CSMD3: variants seen among roughly 807,000 people sequenced by gnomAD.
CSMD3 encodes the protein CUB and sushi domain-containing protein 3.
CSMD3 carries 177 observed loss-of-function variants against 435.2 expected under a neutral mutation model. That is an observed-to-expected ratio of 0.41 (90% CI 0.36 to 0.46). The LOEUF (loss-of-function observed/expected upper bound fraction) is 0.46, where lower values mean the gene tolerates loss of function less well. Among genes scored for constraint, CSMD3 ranks in the 20% least tolerant of loss-of-function variants. The probability of loss-of-function intolerance (pLI) is 0.34; values close to 1 mark genes in which losing one functional copy is unlikely to be tolerated. For missense variants in CSMD3, 4,265 were observed against 4,504.6 expected (o/e 0.95, Z 1.52); for synonymous variants, 1,656 against 1,520.5 (o/e 1.09, Z -2.07).
intron 31 of CSMD3, among the ~76,000 whole-genome samples, chr8:112,479,664 A>G (rs1819439214): frequency 6.6e-6 from 1 of 152,214 alleles, no homozygotes; most frequent in African/African-American, 2.4e-5. Context: ...TGTAAAGTGC[A>G]AGCCATAATC....
At chr8:112,900,468 T>C (rs527866104) in intron 10 of CSMD3, among the ~76,000 whole-genome samples, 147 of 151,322 alleles carry the variant, frequency 9.7e-4, no homozygotes, top group South Asian at 2.1e-3. Context: ...TAATTCATAG[T>C]ATGTGCAACT....
At chr8:113,117,338 C>T (rs2131620500) in intron 4 of CSMD3, among the ~76,000 whole-genome samples, 1 of 152,272 alleles carries the variant, frequency 6.6e-6, no homozygotes, top group African/African-American at 2.4e-5. Flanking sequence ...CAACCCTTGG[C>T]AGCTTCCATG....
intron 13 of CSMD3, among the ~76,000 whole-genome samples, chr8:112,734,832 G>T (rs2077151451): frequency 6.6e-6 from 1 of 151,852 alleles, no homozygotes; most frequent in Non-Finnish European, 1.5e-5. Context: ...AGATATATTT[G>T]CAATGGCAAT....
chr8:112,568,472 G>A (rs1222747276), intron 24 of CSMD3, among the ~76,000 whole-genome samples: 2 of 151,472 alleles, frequency 1.3e-5, no homozygotes, highest in Non-Finnish European at 2.9e-5. Context: ...GTGGGCGCCT[G>A]TAATCCTAGC....
chr8:113,311,611 G>A (rs1443990889), intron 2 of CSMD3: 1 of 152,074 alleles, frequency 6.6e-6, no homozygotes, highest in Non-Finnish European at 1.5e-5. Context: ...AAAACAGTGA[G>A]TCAAACAGCC....
chr8:112,430,782 G>A (rs979701002), intron 32 of CSMD3, among the ~76,000 whole-genome samples: 7 of 151,860 alleles, frequency 4.6e-5, no homozygotes, highest in South Asian at 2.1e-4. Context: ...TTGATGGTGC[G>A]GACTATAAAA....
chr8:112,312,927 CCA>C (rs981147657), intron 49 of CSMD3, among the ~76,000 whole-genome samples: 5 of 151,994 alleles, frequency 3.3e-5, no homozygotes, highest in Non-Finnish European at 5.9e-5. Context: ...GAATTGATTA[CCA>C]ATGACACATG....
intron 3 of CSMD3, among the ~76,000 whole-genome samples, chr8:113,219,609 A>C (rs1225552887): frequency 1.3e-5 from 2 of 151,418 alleles, no homozygotes; most frequent in Non-Finnish European, 3.0e-5. Flanking sequence ...ATTTAGAAAA[A>C]GGTAAAATCA....
chr8:113,097,487 T>C (rs928933387), intron 5 of CSMD3, among the ~76,000 whole-genome samples: 2 of 152,040 alleles, frequency 1.3e-5, no homozygotes, highest in African/African-American at 2.4e-5. Flanking sequence ...CCAGGACTTA[T>C]ATGTTGTTAA....
chr8:112,525,666 A>G lies in CSMD3; in HGVS notation c.4565-8441T>C, dbSNP rs113091691. On this transcript the variant is annotated intron_variant, in intron 27 of 70. Coordinates refer to ENST00000297405, the MANE Select transcript of CSMD3 (RefSeq NM_198123.2). ...AACCCAGGAGGTGGAACATGCCTGG[A>G]GCCAAGATCTCGCCACTGCACTCCA... Among the ~76,000 whole-genome samples, 1,444 of 148,418 alleles carry G rather than the reference A, an allele frequency of 9.7e-3. 23 individuals carry two copies. Among genetic ancestry groups the G allele is most frequent in the African/African-American group, 0.034 (1,387 of 40,694 alleles).
At chr8:112,410,702 G>GTA (rs200587903) in intron 32 of CSMD3, among the ~76,000 whole-genome samples, 76 of 110,582 alleles carry the variant, frequency 6.9e-4, no homozygotes, top group African/African-American at 1.8e-3. Flanking sequence ...ATATATATGT[G>GTA]TATATATATA....
intron 28 of CSMD3, among the ~76,000 whole-genome samples, chr8:112,512,215 G>A (rs1038452784): frequency 6.6e-6 from 1 of 152,108 alleles, no homozygotes; most frequent in African/African-American, 2.4e-5. Context: ...TTTCCAGAAG[G>A]TTTTCAATTT....
At chr8:112,286,430 T>C (rs1054835906) in intron 58 of CSMD3, among the ~76,000 whole-genome samples, 2 of 152,126 alleles carry the variant, frequency 1.3e-5, no homozygotes, top group Non-Finnish European at 2.9e-5. Context: ...TCATCCCTTG[T>C]CCAGGGTACC....
chr8:113,010,178 C>T (rs1485175764), intron 6 of CSMD3, among the ~76,000 whole-genome samples: 1 of 151,512 alleles, frequency 6.6e-6, no homozygotes, highest in African/African-American at 2.4e-5. Context: ...AAGTAGATCC[C>T]TACAAAATTT....
intron 1 of CSMD3, among the ~76,000 whole-genome samples, chr8:113,322,416 A>ACCC (rs1381190071): frequency 2.6e-5 from 4 of 152,170 alleles, no homozygotes; most frequent in African/African-American, 9.7e-5. Context: ...TTTATAAAAA[A>ACCC]AGACACACTT....
chr8:113,092,501 G>C (rs956418229), intron 5 of CSMD3, among the ~76,000 whole-genome samples: 2 of 152,006 alleles, frequency 1.3e-5, no homozygotes, highest in Non-Finnish European at 2.9e-5. Flanking sequence ...GCTTTCCCCT[G>C]AGTCCCTAAC....
intron 13 of CSMD3, among the ~76,000 whole-genome samples, chr8:112,795,401 T>C (rs140284923): frequency 2.1e-3 from 318 of 152,294 alleles, no homozygotes; most frequent in African/African-American, 7.6e-3. Flanking sequence ...AATGTTTGAC[T>C]AGAAGTTAGA....
At chr8:112,383,685 T>C (rs2131256052) in intron 36 of CSMD3, 22 bp from the exon 37 acceptor site, 1 of 1,385,556 alleles carries the variant, frequency 7.2e-7, no homozygotes, top group Non-Finnish European at 1.0e-6. Context: ...TAATTACAGG[T>C]AAGAATACAC....
chr8:113,146,592 G>A (rs1425576248), intron 4 of CSMD3, among the ~76,000 whole-genome samples: 1 of 151,496 alleles, frequency 6.6e-6, no homozygotes, highest in Non-Finnish European at 1.5e-5. Flanking sequence ...CAAAGAATAT[G>A]CATTACCAAA....
Sources: allele counts gnomAD v4.1 joint callset (sites outside exome capture counted in the v4.1 genomes callset), GRCh38; gene constraint gnomAD v4.1.1; transcripts MANE v1.5; gene names NCBI Gene and HGNC (gene_info 2026-07-23, HGNC 2026-07-21).